CDH13: variants seen among roughly 807,000 people sequenced by gnomAD.
The protein encoded by CDH13 is cadherin 13.
In CDH13, 24 loss-of-function variants were observed where a neutral mutation model predicts 63.8. The observed-to-expected ratio is 0.38, with a 90% CI of 0.27 to 0.53. The LOEUF is 0.53. CDH13 is among the 20% of genes least tolerant of loss of function. The probability of loss-of-function intolerance (pLI) is 0.85; values close to 1 mark genes in which losing one functional copy is unlikely to be tolerated. For missense variants in CDH13, 1,049 were observed against 903.1 expected, an observed-to-expected ratio of 1.16 and a Z score of -2.07; for synonymous variants, 503 against 355.3, an observed-to-expected ratio of 1.42 and a Z score of -4.67.
intron 2 of CDH13, among the ~76,000 whole-genome samples, chr16:82,998,679 T>C (rs1056354024): frequency 2.6e-5 from 4 of 152,208 alleles, no homozygotes; most frequent in African/African-American, 7.2e-5. Context: ...TCTTGTCCTC[T>C]GACAAGTAGT....
intron 1 of CDH13, among the ~76,000 whole-genome samples, chr16:82,630,805 TA>T (rs1907913112): frequency 6.6e-6 from 1 of 152,226 alleles, no homozygotes; most frequent in South Asian, 2.1e-4. Context: ...TCATATCATC[TA>T]CGTAGCCAAC....
intron 5 of CDH13, among the ~76,000 whole-genome samples, chr16:83,264,420 T>A (rs1235829982): frequency 6.6e-6 from 1 of 152,122 alleles, no homozygotes; most frequent in Non-Finnish European, 1.5e-5. Flanking sequence ...CAATAACATA[T>A]GTAGAAATAT....
intron 1 of CDH13, among the ~76,000 whole-genome samples, chr16:82,675,267 A>G (rs1913765732): frequency 6.6e-6 from 1 of 152,246 alleles, no homozygotes; most frequent in South Asian, 2.1e-4. Context: ...AATGTGAAAT[A>G]GAACCTGAGA....
chr16:82,833,030 C>A (rs1301169486), intron 1 of CDH13, among the ~76,000 whole-genome samples: 1 of 152,158 alleles, frequency 6.6e-6, no homozygotes, highest in Non-Finnish European at 1.5e-5. Flanking sequence ...ACAAAATTCC[C>A]ATCTTACAGT....
intron 1 of CDH13, among the ~76,000 whole-genome samples, chr16:82,673,011 T>TTTTTCC (rs1913471025): frequency 7.9e-6 from 1 of 126,416 alleles, no homozygotes; most frequent in East Asian, 2.2e-4. Flanking sequence ...TTTTTTTTTT[T>TTTTTCC]TTTTTTTTGT....
At chr16:83,507,352 A>G (rs1448538123) in intron 7 of CDH13, among the ~76,000 whole-genome samples, 1 of 152,244 alleles carries the variant, frequency 6.6e-6, no homozygotes, top group Non-Finnish European at 1.5e-5. Context: ...AGATGGCTGA[A>G]TGAATGAAGA....
intron 2 of CDH13, among the ~76,000 whole-genome samples, chr16:83,029,737 A>G (rs1028028262): frequency 1.3e-5 from 2 of 152,168 alleles, no homozygotes; most frequent in Admixed American, 6.6e-5. Flanking sequence ...TTTACTCAGG[A>G]AGGGAGGGGA....
intron 6 of CDH13, among the ~76,000 whole-genome samples, chr16:83,437,316 T>A (rs1387291542): frequency 1.3e-5 from 2 of 152,180 alleles, no homozygotes; most frequent in Non-Finnish European, 2.9e-5. Context: ...ATGAAATGAA[T>A]TAATATCCAT....
chr16:83,627,855 C>A (rs1165558087), intron 8 of CDH13, among the ~76,000 whole-genome samples: 1 of 152,132 alleles, frequency 6.6e-6, no homozygotes, highest in Admixed American at 6.6e-5. Flanking sequence ...CAGAGCAGCC[C>A]CAAGGGCCAA....
chr16:83,680,114 C>G (rs931686277), intron 10 of CDH13, among the ~76,000 whole-genome samples: 1 of 152,188 alleles, frequency 6.6e-6, no homozygotes, highest in Non-Finnish European at 1.5e-5. Context: ...AGAACCCGCT[C>G]GAGATAGCAC....
At chr16:83,611,895 A>G (rs988519236) in intron 8 of CDH13, among the ~76,000 whole-genome samples, 20 of 152,108 alleles carry the variant, frequency 1.3e-4, no homozygotes, top group Non-Finnish European at 2.8e-4. Flanking sequence ...ATATGATTAC[A>G]GTCCTTTGAC....
chr16:83,655,159 C>G (rs1167622574), intron 8 of CDH13: 1 of 152,240 alleles, frequency 6.6e-6, no homozygotes, highest in Non-Finnish European at 1.5e-5. Flanking sequence ...ATCTTGTTGG[C>G]AAATCTCTCA....
At chr16:83,000,989 C>T (rs923234209) in intron 2 of CDH13, among the ~76,000 whole-genome samples, 2 of 152,184 alleles carry the variant, frequency 1.3e-5, no homozygotes, top group African/African-American at 2.4e-5. Context: ...CCCTTCCAAA[C>T]CTCAGCTGAT....
chr16:83,079,114 A>G (rs2033056979), intron 3 of CDH13, among the ~76,000 whole-genome samples: 1 of 152,154 alleles, frequency 6.6e-6, no homozygotes, highest in African/African-American at 2.4e-5. Flanking sequence ...CATGCATTGA[A>G]GTTCACACTC....
intron 1 of CDH13, among the ~76,000 whole-genome samples, chr16:82,781,451 C>G (rs1231673036): frequency 6.6e-6 from 1 of 152,040 alleles, no homozygotes; most frequent in East Asian, 1.9e-4. Context: ...TAAGGTCATT[C>G]TCCATCCATT....
chr16:83,053,970 A>G (rs945382610), intron 3 of CDH13, among the ~76,000 whole-genome samples: 1 of 152,234 alleles, frequency 6.6e-6, no homozygotes, highest in South Asian at 2.1e-4. Flanking sequence ...TCATAAAATT[A>G]TAATACCATA....
In CDH13 at chr16:83,181,089, A is replaced by G. The variant is rs946541538; in HGVS notation, c.484-36256A>G. 130 of 1,288,284 alleles carry G rather than the reference A, an allele frequency of 1.0e-4. 1 individual carries two copies. In the African/African-American group the frequency reaches 1.7e-3, roughly 17 times the overall value. 79.8% of individuals were successfully genotyped at this position (1,288,284 alleles called of 1,614,324 possible). A position where few individuals can be genotyped will look rare whatever the true frequency, so the allele number is the denominator to read the frequency against. On this transcript the variant is annotated intron_variant, in intron 4 of 13. Transcript: ENST00000567109. ...TGTGTTTAAATAAATTGTCCTGTTG[A>G]CTGAATTTTGATCACATTATTGGGT...
intron 8 of CDH13, among the ~76,000 whole-genome samples, chr16:83,607,638 T>C (rs1260501038): frequency 2.6e-5 from 4 of 152,168 alleles, no homozygotes; most frequent in Non-Finnish European, 5.9e-5. Context: ...TACTTAAAAT[T>C]GCCGCTGATA....
chr16:82,900,123 C>T (rs2041413072), intron 2 of CDH13, among the ~76,000 whole-genome samples: 1 of 152,206 alleles, frequency 6.6e-6, no homozygotes, highest in African/African-American at 2.4e-5. Context: ...CACCCAGTGT[C>T]CTTGCAGCTG....
Sources: gnomAD v4.1 joint callset for allele counts (sites outside exome capture counted in the v4.1 genomes callset) on GRCh38, gnomAD v4.1.1 for gene constraint, MANE v1.5 for transcripts, NCBI Gene and HGNC (gene_info 2026-07-23, HGNC 2026-07-21) for gene names.